ZEB2: variants seen among roughly 807,000 people sequenced by gnomAD.
ZEB2 encodes zinc finger E-box-binding homeobox 2.
A neutral mutation model predicts 99.9 loss-of-function variants in ZEB2; 6 were observed. The ratio of observed to expected loss-of-function variants is 0.06; its 90% confidence interval spans 0.03 to 0.12. The LOEUF (loss-of-function observed/expected upper bound fraction) is 0.12, where lower values mean the gene tolerates loss of function less well. Among genes scored for constraint, ZEB2 ranks in the 10% least tolerant of loss-of-function variants. ZEB2 has a pLI of 1.00. For synonymous variants in ZEB2, 517 were observed against 542.5 expected (o/e 0.95, Z 0.65); for missense variants, 969 against 1,502.8 (o/e 0.64, Z 5.87).
chr2:144,404,539 T>G (rs1013987991), intron 5 of ZEB2, among the ~76,000 whole-genome samples: 5 of 152,048 alleles, frequency 3.3e-5, no homozygotes, highest in Non-Finnish European at 5.9e-5. Flanking sequence ...GGTCTCAACT[T>G]TTTTTTCCTC....
chr2:144,435,598 T>TA (rs1703826593), intron 2 of ZEB2, among the ~76,000 whole-genome samples: 1 of 148,918 alleles, frequency 6.7e-6, no homozygotes. Context: ...GACCCTGTCT[T>TA]TAAAAAAAAA....
In ZEB2 at chr2:144,519,877, A is replaced by T. The variant is rs904206951; in HGVS notation, c.-70+62T>A. The T allele has an allele frequency of 3.6e-5, 14 of 392,198 alleles. No homozygotes were observed. The Admixed American group carries it at 4.6e-4, about 13-fold the overall frequency. 24.3% of individuals were successfully genotyped at this position (392,198 alleles called of 1,614,324 possible). ...AAAATGAGAAAATTAGAAAAGGAGG[A>T]TGGAGGACGAGCACACCAAAAAGGG... is the stretch of plus-strand genomic sequence containing the variant. On this transcript the variant is annotated intron_variant, in intron 1 of 9. Coordinates refer to ENST00000627532, the MANE Select transcript of ZEB2 (RefSeq NM_014795.4).
In ZEB2 at chr2:144,515,283, C is replaced by T. The variant is rs373823107; in HGVS notation, c.73+1995G>A. ...CTTTTGTTATCCAGTTGATCAGCAA[C>T]GTGCTTTAGATACTTGTAAGAGGGG... On this transcript the variant is annotated intron_variant, in intron 2 of 9. Transcript: ENST00000627532. Among the ~76,000 whole-genome samples the T allele has an allele frequency of 4.9e-4, 74 of 151,774 alleles. 2 individuals are homozygous for T. In the South Asian group the frequency reaches 0.015, roughly 32 times the overall value.
Position 144,498,404 on chromosome 2 carries a change from G to GC in ZEB2, c.73+18873dup, listed in dbSNP as rs1573803816. On this transcript the variant is annotated intron_variant, in intron 2 of 9. Transcript: ENST00000627532. ...ACCACTCTGCTGAAATTTGAGCCAA[G>GC]CCCCATGTGGTTGCGGATCTTATGT... 2.6e-5 allele frequency among the ~76,000 whole-genome samples: 4 copies of GC among 151,638 alleles called. No individual in the cohort carries two copies. The East Asian group carries it at 7.8e-4, about 29-fold the overall frequency.
chr2:144,390,902 G>T (rs1703147164), intron 9 of ZEB2, among the ~76,000 whole-genome samples: 1 of 152,102 alleles, frequency 6.6e-6, no homozygotes, highest in African/African-American at 2.4e-5. Context: ...TGCCATACTT[G>T]AAAGTTTATT....
chr2:144,397,624 A>C (rs1357232537), intron 8 of ZEB2, among the ~76,000 whole-genome samples: 2 of 152,202 alleles, frequency 1.3e-5, no homozygotes, highest in Non-Finnish European at 2.9e-5. Context: ...ACATTATTGC[A>C]AGTTGTGCAC....
At chr2:144,465,864 C>T (rs939842932) in intron 2 of ZEB2, among the ~76,000 whole-genome samples, 6 of 152,128 alleles carry the variant, frequency 3.9e-5, no homozygotes, top group African/African-American at 1.4e-4. Context: ...GCCAGATGTG[C>T]CTTCTGCACG....
At chr2:144,452,835 T>G (rs1229479035) in intron 2 of ZEB2, among the ~76,000 whole-genome samples, 2 of 152,144 alleles carry the variant, frequency 1.3e-5, no homozygotes, top group African/African-American at 4.8e-5. Flanking sequence ...AACATTTACG[T>G]GGGGACAGGG....
At chr2:144,501,759 A>G (rs1468636724) in intron 2 of ZEB2, among the ~76,000 whole-genome samples, 1 of 152,164 alleles carries the variant, frequency 6.6e-6, no homozygotes, top group Non-Finnish European at 1.5e-5. Flanking sequence ...TGCCCTATTA[A>G]TATATTAAAA....
intron 2 of ZEB2, chr2:144,504,141 A>G (rs1437144209): frequency 6.6e-6 from 1 of 150,842 alleles, no homozygotes; most frequent in Non-Finnish European, 1.5e-5. Context: ...AACACTGATC[A>G]TGAGATTTGG....
intron 9 of ZEB2, among the ~76,000 whole-genome samples, chr2:144,394,110 G>A (rs138444305): frequency 0.011 from 1,741 of 152,130 alleles, 20 homozygotes; most frequent in African/African-American, 0.025. Context: ...TAGTAGAGAC[G>A]GGGTTTCTCC....
intron 3 of ZEB2, chr2:144,426,669 T>C (rs559118939): frequency 7.9e-5 from 12 of 152,312 alleles, no homozygotes; most frequent in African/African-American, 2.6e-4. Context: ...ATTGTGTAAA[T>C]TGCATTTTGT....
chr2:144,399,219 C>T lies in ZEB2; in HGVS notation c.1968G>A (p.Met656Ile), dbSNP rs1703273248. Reference sequence around the variant, plus strand: ...TAGCATAGTATGCTTTGAGTACAGACATGTGGTCCTTGTATGGGTTGATGG... The same window carrying T: ...TAGCATAGTATGCTTTGAGTACAGATATGTGGTCCTTGTATGGGTTGATGG... Reference protein sequence around the residue: ...TSPINPYKDHMSVLKAYYAMN... With the variant: ...TSPINPYKDHISVLKAYYAMN... The change falls in exon 8 of 10, where the codon ATG becomes ATA. Residue 656 changes from methionine (M) to isoleucine (I), a missense_variant. By Grantham distance (10) the Met-to-Ile change is conservative (BLOSUM62 1). Transcript: ENST00000627532. This position sits in a 1 kb window ranked among gnomAD's most constrained non-coding sequence, Gnocchi z 5.6. The T allele has an allele frequency of 1.2e-6, 2 of 1,614,000 alleles. No individual in the cohort carries two copies. Among genetic ancestry groups the T allele is most frequent in the Non-Finnish European group, 8.5e-7 (1 of 1,180,030 alleles).
intron 2 of ZEB2, chr2:144,511,915 A>G (rs1705045192): frequency 7.8e-7 from 1 of 1,287,128 alleles, no homozygotes; most frequent in African/African-American, 1.5e-5. Flanking sequence ...GGCTTATGTT[A>G]ACATCTGCTT....
chr2:144,496,730 T>C (rs958759036), intron 2 of ZEB2: 1 of 152,152 alleles, frequency 6.6e-6, no homozygotes, highest in African/African-American at 2.4e-5. Flanking sequence ...ATAGTACCCA[T>C]TTCACAGCAT....
rs1167336247 is a variant in ZEB2, at chr2:144,440,507, ATATATATATTTTTTTTTTTTTTTTTT to A, written c.74-10507_74-10482del. ...GCAGTATATATATATATATATATAT[ATATATATATTTTTTTTTTTTTTTTTT>A]TTTTTTTTTAACTAGTGGTTAACTT... is the stretch of plus-strand genomic sequence containing the variant. On this transcript the variant is annotated intron_variant, in intron 2 of 9. Coordinates refer to ENST00000627532, the MANE Select transcript of ZEB2 (RefSeq NM_014795.4). Among the ~76,000 whole-genome samples, 38 of 14,922 alleles carry A rather than the reference ATATATATATTTTTTTTTTTTTTTTTT, an allele frequency of 2.5e-3. 1 individual carries two copies. The highest frequency in any genetic ancestry group is 5.7e-3 in the African/African-American group (34 of 5,972). The allele number at this position is 14,922 out of a possible 152,430, so 9.8% of individuals were successfully genotyped here.
At chr2:144,505,621 G>C (rs1384292869) in intron 2 of ZEB2, among the ~76,000 whole-genome samples, 1 of 152,156 alleles carries the variant, frequency 6.6e-6, no homozygotes, top group Non-Finnish European at 1.5e-5. Context: ...GCTGGGAGTG[G>C]GGGGTGTGGT....
intron 2 of ZEB2, among the ~76,000 whole-genome samples, chr2:144,499,280 T>C (rs567043616): frequency 1.2e-4 from 18 of 152,328 alleles, no homozygotes; most frequent in African/African-American, 3.4e-4. Flanking sequence ...TTTAAATTCA[T>C]ATTGTTCAGA....
intron 2 of ZEB2, chr2:144,470,641 C>T (rs144921827): frequency 6.6e-6 from 1 of 152,120 alleles, no homozygotes. Flanking sequence ...AACCCTATCA[C>T]CACCGTAAAA....
Sources: allele counts gnomAD v4.1 joint callset (sites outside exome capture counted in the v4.1 genomes callset), GRCh38; gene constraint gnomAD v4.1.1; non-coding constraint Gnocchi (gnomAD v3.1); transcripts MANE v1.5; gene names NCBI Gene and HGNC (gene_info 2026-07-23, HGNC 2026-07-21).